Variants in DAB1 observed in about 807,000 individuals in gnomAD.
DAB1 encodes the protein disabled homolog 1.
In DAB1, 15 loss-of-function variants were observed where a neutral mutation model predicts 64.6. That is an observed-to-expected ratio of 0.23 (90% CI 0.16 to 0.36). The LOEUF is 0.36. Among genes scored for constraint, DAB1 ranks in the 10% least tolerant of loss-of-function variants. The pLI is 1.00. For synonymous variants in DAB1, 235 were observed against 251.9 expected, an observed-to-expected ratio of 0.93 and a Z score of 0.64; for missense variants, 596 against 706.7, an observed-to-expected ratio of 0.84 and a Z score of 1.78.
chr1:58,501,234 A>T (rs1645902168), intron 3 of DAB1, among the ~76,000 whole-genome samples: 1 of 152,212 alleles, frequency 6.6e-6, no homozygotes, highest in Non-Finnish European at 1.5e-5. Context: ...TGAAATTCAC[A>T]TTTAAAAAAG....
chr1:57,578,450 G>GCTTA lies in DAB1; in HGVS notation n.625+71138_625+71141dup, dbSNP rs769068539. 9.5e-4 allele frequency among the ~76,000 whole-genome samples: 144 copies of GCTTA among 152,298 alleles called. 2 individuals are homozygous for GCTTA. The highest frequency in any genetic ancestry group is 1.8e-3 in the Non-Finnish European group (121 of 68,020). On this transcript the variant is annotated intron_variant and non_coding_transcript_variant, in intron 7 of 20. Coordinates refer to the DAB1 transcript ENST00000485760. The stretch of plus-strand genomic sequence containing the variant: ...CTTACCTGGATTAGATCTAACTAAT[G>GCTTA]CTTACTGCACAGGGCACTGATCCAG...
At chr1:58,179,228 T>G (rs1266583101) in intron 4 of DAB1, among the ~76,000 whole-genome samples, 1 of 151,966 alleles carries the variant, frequency 6.6e-6, no homozygotes, top group Non-Finnish European at 1.5e-5. Flanking sequence ...GTTTCTGAAT[T>G]CAGTTTCTTA....
intron 6 of DAB1, among the ~76,000 whole-genome samples, chr1:57,742,937 T>C (rs953318634): frequency 6.6e-6 from 1 of 152,182 alleles, no homozygotes; most frequent in African/African-American, 2.4e-5. Flanking sequence ...AAGTATGCCA[T>C]ACCCATGCCT....
In DAB1 at chr1:57,729,957, A is replaced by G. The variant is rs111649081; in HGVS notation, n.552-80292T>C. On this transcript the variant is annotated intron_variant and non_coding_transcript_variant, in intron 6 of 20. Coordinates refer to the DAB1 transcript ENST00000485760. ...CACTATTATTATCCCTGCTTTTCAA[A>G]ACAGAGACACAGCACAGTTAAGCTG... is the stretch of plus-strand genomic sequence containing the variant. Among the ~76,000 whole-genome samples, 809 of 152,348 alleles carry G rather than the reference A, an allele frequency of 5.3e-3. 7 individuals carry two copies. The highest frequency in any genetic ancestry group is 0.019 in the African/African-American group (773 of 41,582).
intron 3 of DAB1, among the ~76,000 whole-genome samples, chr1:58,505,097 C>T (rs1645966417): frequency 6.6e-6 from 1 of 152,072 alleles, no homozygotes; most frequent in African/African-American, 2.4e-5. Flanking sequence ...GGATTACAGG[C>T]GCATGCCACC....
At chr1:58,458,335 C>G (rs770110162) in intron 3 of DAB1, among the ~76,000 whole-genome samples, 1 of 152,198 alleles carries the variant, frequency 6.6e-6, no homozygotes, top group African/African-American at 2.4e-5. Flanking sequence ...CTTGCCTCTA[C>G]CCCTCAAAGA....
intron 6 of DAB1, among the ~76,000 whole-genome samples, chr1:57,815,712 C>T (rs1247680020): frequency 6.6e-6 from 1 of 151,380 alleles, no homozygotes; most frequent in East Asian, 1.9e-4. Flanking sequence ...CAAACATATT[C>T]TGGTTTCTTC....
intron 7 of DAB1, among the ~76,000 whole-genome samples, chr1:57,620,737 G>A (rs946506749): frequency 1.3e-5 from 2 of 152,184 alleles, no homozygotes; most frequent in African/African-American, 4.8e-5. Context: ...TGCAGAGAGG[G>A]AGAGCTAGAC....
At chr1:57,042,848 C>T (rs555907541) in intron 9 of DAB1, among the ~76,000 whole-genome samples, 3 of 151,904 alleles carry the variant, frequency 2.0e-5, no homozygotes, top group South Asian at 2.1e-4. Flanking sequence ...CACGATCACA[C>T]ACACACATAC....
At chr1:57,801,885 T>C (rs1484433377) in intron 6 of DAB1, among the ~76,000 whole-genome samples, 1 of 152,168 alleles carries the variant, frequency 6.6e-6, no homozygotes, top group East Asian at 1.9e-4. Context: ...CTCAAACTCC[T>C]GATCTCAAGC....
At chr1:58,219,712 C>T (rs1659055439) in intron 4 of DAB1, among the ~76,000 whole-genome samples, 2 of 152,218 alleles carry the variant, frequency 1.3e-5, no homozygotes, top group Non-Finnish European at 2.9e-5. Flanking sequence ...TGCACCTGCA[C>T]ACACACACCT....
chr1:57,207,512 C>G (rs1479336338), intron 2 of DAB1, among the ~76,000 whole-genome samples: 1 of 124,098 alleles, frequency 8.1e-6, no homozygotes, highest in Non-Finnish European at 1.7e-5. Context: ...GGCGGGATCT[C>G]GGCTCACTGC....
intron 1 of DAB1, among the ~76,000 whole-genome samples, chr1:57,308,907 G>GA (rs906677397): frequency 2.9e-4 from 44 of 151,134 alleles, no homozygotes; most frequent in Non-Finnish European, 5.8e-4. Flanking sequence ...CTTTAAAGAT[G>GA]AAAAAAAAAC....
intron 5 of DAB1, among the ~76,000 whole-genome samples, chr1:57,916,931 G>C (rs967373757): frequency 2.0e-5 from 3 of 148,306 alleles, no homozygotes; most frequent in African/African-American, 7.5e-5. Flanking sequence ...TGTCAAGAGC[G>C]AAACTCTGTC....
chr1:57,472,229 GAACAGGTCATTATAAAGTA>G (rs1687163812), intron 7 of DAB1, among the ~76,000 whole-genome samples: 1 of 152,190 alleles, frequency 6.6e-6, no homozygotes, highest in South Asian at 2.1e-4. Flanking sequence ...TGCCGTTTTA[GAACAGGTCATTATAAAGTA>G]AAGGGCATTT....
At chr1:58,256,130 GCTACCT>G (rs3990932) in intron 4 of DAB1, among the ~76,000 whole-genome samples, 7,660 of 152,270 alleles carry the variant, frequency 0.05, 319 homozygotes, top group African/African-American at 0.12. Context: ...AGAGCCATGT[GCTACCT>G]CTCTCACAGG....
chr1:57,441,290 CTT>C (rs752836786), intron 7 of DAB1, among the ~76,000 whole-genome samples: 11 of 28,118 alleles, frequency 3.9e-4, no homozygotes, highest in Admixed American at 5.5e-4. Context: ...TTCTTTCTTT[CTT>C]TCTTTCTTTC....
intron 1 of DAB1, among the ~76,000 whole-genome samples, chr1:57,385,826 C>T (rs1409653186): frequency 5.3e-5 from 8 of 152,158 alleles, no homozygotes; most frequent in Non-Finnish European, 1.0e-4. Flanking sequence ...TCTACCAAAT[C>T]GTGCTGCACT....
chr1:57,962,925 A>AT (rs1645562379), intron 5 of DAB1, among the ~76,000 whole-genome samples: 1 of 151,936 alleles, frequency 6.6e-6, no homozygotes, highest in South Asian at 2.1e-4. Context: ...CACTTTTAAA[A>AT]TTTTTTACTT....
Sources: gnomAD v4.1 joint callset for allele counts (sites outside exome capture counted in the v4.1 genomes callset) on GRCh38, gnomAD v4.1.1 for gene constraint, MANE v1.5 for transcripts, NCBI Gene and HGNC (gene_info 2026-07-23, HGNC 2026-07-21) for gene names.